CRTC3: variants seen among roughly 807,000 people sequenced by gnomAD.
CRTC3 encodes the protein CREB-regulated transcription coactivator 3.
A neutral mutation model predicts 74.5 loss-of-function variants in CRTC3; 26 were observed. The ratio of observed to expected loss-of-function variants is 0.35; its 90% CI spans 0.26 to 0.48. The LOEUF is 0.48. CRTC3 is among the 20% of genes least tolerant of loss of function. The pLI, the probability that CRTC3 is intolerant of heterozygous loss-of-function variation, is 0.99. For missense variants in CRTC3, 760 were observed against 787.3 expected (o/e 0.97, Z 0.41); for synonymous variants, 377 against 325.8 (o/e 1.16, Z -1.69).
At chr15:90,540,269 T>C in intron 2 of CRTC3, 132 bp downstream of exon 2, 1 of 621,206 alleles carries the variant, frequency 1.6e-6, no homozygotes, top group East Asian at 2.8e-5. Flanking sequence ...GGAAAGTCCA[T>C]TAATATTCTC....
chr15:90,619,631 A>G, intron 8 of CRTC3, 110 bp from the exon 9 acceptor site: 1 of 838,264 alleles, frequency 1.2e-6, no homozygotes, highest in East Asian at 2.4e-5. Flanking sequence ...GTCGACACGC[A>G]AGCTCTCACT....
At chr15:90,554,505 G>C (rs1280514535) in intron 2 of CRTC3, among the ~76,000 whole-genome samples, 1 of 152,104 alleles carries the variant, frequency 6.6e-6, no homozygotes, top group African/African-American at 2.4e-5. Context: ...GACCAGCCAA[G>C]GTATTTCCTC....
chr15:90,546,922 C>T (rs926832855), intron 2 of CRTC3, among the ~76,000 whole-genome samples: 1 of 151,912 alleles, frequency 6.6e-6, no homozygotes, highest in African/African-American at 2.4e-5. Context: ...AACGCCCGGC[C>T]AACACCTGCT....
intron 2 of CRTC3, among the ~76,000 whole-genome samples, chr15:90,576,520 G>C (rs767141825): frequency 6.6e-6 from 1 of 152,078 alleles, no homozygotes; most frequent in Non-Finnish European, 1.5e-5. Flanking sequence ...GCTGTTGAAT[G>C]TATAAGTCTG....
rs965070894 is a variant in CRTC3, at chr15:90,602,735, G to A, written c.413+350G>A. Among the ~76,000 whole-genome samples the A allele has an allele frequency of 2.0e-5, 3 of 152,150 alleles. No homozygotes were observed. The East Asian group carries it at 5.8e-4, about 29-fold the overall frequency. On this transcript the variant is annotated intron_variant, in intron 4 of 14. Transcript: ENST00000268184. ...TCATGCCTGTAATCCCAGCACTTTG[G>A]GAGGCTGAGGCGGGCAGATCACAAG...
At chr15:90,627,109 C>T (rs1968863375) in intron 10 of CRTC3, among the ~76,000 whole-genome samples, 1 of 152,224 alleles carries the variant, frequency 6.6e-6, no homozygotes, top group African/African-American at 2.4e-5. Flanking sequence ...CAGAACTCAC[C>T]ACCCAAATGA....
chr15:90,608,866 T>G lies in CRTC3; in HGVS notation c.577+1388T>G, dbSNP rs1366382316. 2.0e-5 allele frequency among the ~76,000 whole-genome samples: 3 copies of G among 152,226 alleles called. No individual in the cohort carries two copies. The East Asian group carries it at 5.8e-4, about 29-fold the overall frequency. ...CATTCAGACACATTTCAAGCCTACC[T>G]TTCTGGGGTTTATAATCTAGAAAGA... On this transcript the variant is annotated intron_variant, in intron 6 of 14. Coordinates refer to ENST00000268184, the MANE Select transcript of CRTC3 (RefSeq NM_022769.5).
At chr15:90,565,320 G>C (rs755530300) in intron 2 of CRTC3, among the ~76,000 whole-genome samples, 3 of 152,168 alleles carry the variant, frequency 2.0e-5, no homozygotes, top group African/African-American at 7.2e-5. Context: ...TCACAGTGTC[G>C]TGAGGATTAA....
chr15:90,591,339 C>G (rs1316356307), intron 2 of CRTC3, among the ~76,000 whole-genome samples: 1 of 151,798 alleles, frequency 6.6e-6, no homozygotes, highest in Non-Finnish European at 1.5e-5. Flanking sequence ...AGGCTGGTCT[C>G]AAACTCCTGG....
At chr15:90,612,733 C>T (rs901764265) in intron 6 of CRTC3, among the ~76,000 whole-genome samples, 16 of 152,060 alleles carry the variant, frequency 1.1e-4, no homozygotes, top group African/African-American at 2.4e-4. Flanking sequence ...AATAGGAATC[C>T]GCAACTCCTG....
At chr15:90,557,400 C>G (rs1373130809) in intron 2 of CRTC3, among the ~76,000 whole-genome samples, 4 of 152,088 alleles carry the variant, frequency 2.6e-5, no homozygotes, top group Non-Finnish European at 4.4e-5. Context: ...CATCTGGTCC[C>G]CAGAACGTTT....
chr15:90,607,485 C>G lies in CRTC3; in HGVS notation c.577+7C>G. 6.6e-7 allele frequency: 1 copy of G among 1,504,790 alleles called. No individual in the cohort carries two copies. The highest frequency in any genetic ancestry group is 9.2e-7 in the Non-Finnish European group (1 of 1,083,084). 93.2% of individuals were successfully genotyped at this position (1,504,790 alleles called of 1,614,324 possible). On this transcript the variant is annotated splice_region_variant and intron_variant, in intron 6 of 14. Coordinates refer to ENST00000268184, the MANE Select transcript of CRTC3 (RefSeq NM_022769.5). ...TGGCCTGCCCCATACATGGGTAAGACACACAGGCCACTGCTGACAGCAGCT... is the reference window on the plus strand; with the variant it reads ...TGGCCTGCCCCATACATGGGTAAGAGACACAGGCCACTGCTGACAGCAGCT...
At chr15:90,554,931 AC>A (rs1270931784) in intron 2 of CRTC3, among the ~76,000 whole-genome samples, 10 of 152,160 alleles carry the variant, frequency 6.6e-5, no homozygotes, top group Non-Finnish European at 1.0e-4. Flanking sequence ...GGGTATCCCC[AC>A]CCTGACAATA....
chr15:90,546,517 G>A (rs969021472), intron 2 of CRTC3, among the ~76,000 whole-genome samples: 10 of 152,184 alleles, frequency 6.6e-5, no homozygotes, highest in African/African-American at 2.2e-4. Context: ...GGTAATGAGA[G>A]TCGTCTTTGT....
At position 90,643,728 on chromosome 15, in the gene CRTC3, A is replaced by T; in HGVS notation, c.*1588A>T. On this transcript the variant is annotated 3_prime_UTR_variant, in exon 15 of 15. Coordinates refer to ENST00000268184, the MANE Select transcript of CRTC3 (RefSeq NM_022769.5). ...GAAGGGGGCAGAGCACTGCAGGGGG[A>T]GGGGGGGGTCTAGGCTGTGAGAGGA... The T allele has an allele frequency of 9.5e-6, 2 of 210,854 alleles. No homozygotes were observed. Among genetic ancestry groups the T allele is most frequent in the African/African-American group, 2.3e-5 (1 of 42,714 alleles). 13.1% of individuals were successfully genotyped at this position (210,854 alleles called of 1,614,324 possible).
In CRTC3 at chr15:90,619,748, C is replaced by T. The variant is rs756453361; in HGVS notation, c.707C>T (p.Ser236Phe). Residue 236 changes from serine (S) to phenylalanine (F), a missense_variant, in exon 9 of 15, where the codon TCC becomes TTC. Physicochemically the swap from Ser to Phe is radical, Grantham distance 155. Coordinates refer to ENST00000268184, the MANE Select transcript of CRTC3 (RefSeq NM_022769.5). ...TTCATTGTCTCTTCTCAGATTCAGT[C>T]CCTGTCAGGACGCCCTCGATCCTGT... Reference protein sequence around the residue: ...KQLWETKEIQSLSGRPRSCDV... With the variant: ...KQLWETKEIQFLSGRPRSCDV... 6.2e-7 allele frequency: 1 copy of T among 1,613,798 alleles called. No individual in the cohort carries two copies. Among genetic ancestry groups the T allele is most frequent in the East Asian group, 2.2e-5 (1 of 44,876 alleles).
intron 3 of CRTC3, among the ~76,000 whole-genome samples, chr15:90,597,517 T>C (rs1044608038): frequency 6.6e-6 from 1 of 152,182 alleles, no homozygotes; most frequent in African/African-American, 2.4e-5. Context: ...GAGATGAAAA[T>C]GTTAGGACAT....
intron 12 of CRTC3, 22 bp downstream of exon 12, chr15:90,638,668 G>C (rs1969329276): frequency 6.2e-6 from 10 of 1,612,936 alleles, no homozygotes; most frequent in Non-Finnish European, 8.5e-6. Flanking sequence ...CAGGAGCGTT[G>C]GTGCAGAGGG....
intron 14 of CRTC3, among the ~76,000 whole-genome samples, chr15:90,641,512 A>C (rs559140379): frequency 6.6e-6 from 1 of 152,162 alleles, no homozygotes; most frequent in East Asian, 1.9e-4. Flanking sequence ...TCTGGCTAAC[A>C]CAGCGAAACC....
Sources: allele counts gnomAD v4.1 joint callset (sites outside exome capture counted in the v4.1 genomes callset), GRCh38; gene constraint gnomAD v4.1.1; transcripts MANE v1.5; gene names NCBI Gene and HGNC (gene_info 2026-07-23, HGNC 2026-07-21).